Variants in LHFPL2 observed in about 807,000 individuals in gnomAD.
LHFPL2 encodes LHFPL tetraspan subfamily member 2 protein.
In LHFPL2, 7 loss-of-function variants were observed where a neutral mutation model predicts 17.5. The observed-to-expected ratio is 0.40, with a 90% CI of 0.23 to 0.75. The LOEUF (loss-of-function observed/expected upper bound fraction) is 0.75. Among genes scored for constraint, LHFPL2 ranks in the 30% least tolerant of loss-of-function variants. LHFPL2 has a pLI of 0.37. For missense variants in LHFPL2, 241 were observed against 294.8 expected, an observed-to-expected ratio of 0.82 and a Z score of 1.34; for synonymous variants, 134 against 116.2, an observed-to-expected ratio of 1.15 and a Z score of -0.99.
intron 4 of LHFPL2, among the ~76,000 whole-genome samples, chr5:78,492,138 G>A (rs1311353861): frequency 9.9e-5 from 15 of 152,066 alleles, no homozygotes; most frequent in Non-Finnish European, 2.2e-4. Context: ...ACCCTCCATG[G>A]GCCTTCTGTA....
intron 2 of LHFPL2, among the ~76,000 whole-genome samples, chr5:78,613,485 G>A (rs1474670021): frequency 6.6e-6 from 1 of 152,138 alleles, no homozygotes; most frequent in East Asian, 1.9e-4. Context: ...CTTATACTGA[G>A]CTTCTATTGC....
Position 78,583,680 on chromosome 5 carries a change from G to A in LHFPL2, c.-244-18809C>T, listed in dbSNP as rs1348966061. On this transcript the variant is annotated intron_variant, in intron 2 of 4. Transcript: ENST00000380345. Reference sequence around the variant, plus strand: ...GTTAGTCTGATGGGCTTCCCTTTGAGGGTAACCCAACCTTTCTCTCTGGCT... The same window carrying A: ...GTTAGTCTGATGGGCTTCCCTTTGAAGGTAACCCAACCTTTCTCTCTGGCT... Among the ~76,000 whole-genome samples the A allele has an allele frequency of 6.6e-5, 10 of 152,080 alleles. 1 individual carries two copies. Among genetic ancestry groups the A allele is most frequent in the Admixed American group, 5.2e-4 (8 of 15,268 alleles).
chr5:78,617,062 C>T (rs1432879567), intron 2 of LHFPL2, among the ~76,000 whole-genome samples: 2 of 150,720 alleles, frequency 1.3e-5, no homozygotes, highest in Non-Finnish European at 3.0e-5. Context: ...GAGTTTTACT[C>T]TTGTTGCCCA....
At chr5:78,498,441 A>G (rs1182150282) in intron 4 of LHFPL2, among the ~76,000 whole-genome samples, 1 of 152,198 alleles carries the variant, frequency 6.6e-6, no homozygotes, top group Non-Finnish European at 1.5e-5. Flanking sequence ...GTCATCTTCC[A>G]TGCTGATAGT....
chr5:78,637,145 C>T (rs918239015), intron 1 of LHFPL2, among the ~76,000 whole-genome samples: 5 of 152,044 alleles, frequency 3.3e-5, no homozygotes, highest in Non-Finnish European at 7.4e-5. Context: ...AAGCCAAAAC[C>T]CCGGGTAGGG....
chr5:78,519,717 C>T (rs1469824494), intron 3 of LHFPL2, among the ~76,000 whole-genome samples: 2 of 152,232 alleles, frequency 1.3e-5, no homozygotes, highest in East Asian at 1.9e-4. Flanking sequence ...ATGGCCAGCA[C>T]TCCATCCATG....
chr5:78,634,708 T>C (rs1283119083), intron 1 of LHFPL2, among the ~76,000 whole-genome samples: 1 of 152,148 alleles, frequency 6.6e-6, no homozygotes, highest in Non-Finnish European at 1.5e-5. Flanking sequence ...CCCTCACCCT[T>C]TCCAATCCAA....
intron 3 of LHFPL2, among the ~76,000 whole-genome samples, chr5:78,546,869 T>C (rs1580795885): frequency 6.6e-6 from 1 of 152,126 alleles, no homozygotes; most frequent in Non-Finnish European, 1.5e-5. Flanking sequence ...GCTAAAGAGG[T>C]TTCTCTCTGT....
At chr5:78,591,849 C>T (rs1032263549) in intron 2 of LHFPL2, among the ~76,000 whole-genome samples, 3 of 152,204 alleles carry the variant, frequency 2.0e-5, no homozygotes, top group South Asian at 2.1e-4. Flanking sequence ...ATGTAGAACA[C>T]GGATAGGAGA....
intron 3 of LHFPL2, among the ~76,000 whole-genome samples, chr5:78,521,534 TA>T (rs943809652): frequency 2.6e-5 from 4 of 152,234 alleles, no homozygotes; most frequent in Non-Finnish European, 5.9e-5. Flanking sequence ...TAAATTTTTT[TA>T]AAAAAATTTT....
In LHFPL2 at chr5:78,531,641, A is replaced by T. The variant is rs77615699; in HGVS notation, c.-185-21243T>A. Among the ~76,000 whole-genome samples, 211 of 152,058 alleles carry T rather than the reference A, an allele frequency of 1.4e-3. 3 individuals carry two copies. In the East Asian group the frequency reaches 0.038, roughly 27 times the overall value. ...CACCTCAGTCCTGGCCCTGAATAAA[A>T]CCCTACTTGATGGGGTAGCAATGGG... is the stretch of plus-strand genomic sequence containing the variant. On this transcript the variant is annotated intron_variant, in intron 3 of 4. Transcript: ENST00000380345.
At chr5:78,514,243 A>G (rs1345713526) in intron 3 of LHFPL2, among the ~76,000 whole-genome samples, 1 of 152,148 alleles carries the variant, frequency 6.6e-6, no homozygotes, top group Non-Finnish European at 1.5e-5. Flanking sequence ...TTTCCCCTCG[A>G]CAACACCTGA....
intron 3 of LHFPL2, among the ~76,000 whole-genome samples, chr5:78,539,531 T>G (rs7730720): frequency 0.48 from 73,266 of 151,904 alleles, 18,446 homozygotes; most frequent in African/African-American, 0.62. Context: ...GTTAAGGTGG[T>G]TACTGCTATT....
intron 2 of LHFPL2, among the ~76,000 whole-genome samples, chr5:78,619,614 T>A (rs1304148851): frequency 2.5e-4 from 35 of 140,490 alleles, no homozygotes; most frequent in African/African-American, 8.9e-4. Flanking sequence ...ACTCGTCATT[T>A]AGCATTAGGT....
Position 78,489,013 on chromosome 5 carries a change from C to A in LHFPL2, c.571G>T (p.Gly191Cys), listed in dbSNP as rs770611698. The change falls in exon 5 of 5, where the codon GGC (glycine) becomes TGC (cysteine). Residue 191 changes from glycine (G) to cysteine (C), a missense_variant. By Grantham distance (159) the Gly-to-Cys change is radical. Transcript: ENST00000380345. Reference sequence around the variant, plus strand: ...GCACAGATGAAAGTGAGGACTGTGCCCCCAATGGCGGTATAAAAGGCCCAG... The same window carrying A: ...GCACAGATGAAAGTGAGGACTGTGCACCCAATGGCGGTATAAAAGGCCCAG... ...LGWAFYTAIG[G>C]TVLTFICAVF... is the part of the protein sequence containing the mutation. 3.1e-6 allele frequency: 5 copies of A among 1,614,182 alleles called. No individual in the cohort carries two copies. In the South Asian group the frequency reaches 4.4e-5, roughly 14 times the overall value.
chr5:78,608,675 G>T (rs575339508), intron 2 of LHFPL2, among the ~76,000 whole-genome samples: 1 of 152,192 alleles, frequency 6.6e-6, no homozygotes, highest in South Asian at 2.1e-4. Context: ...GCTCACGCCT[G>T]TAATCCCAGC....
intron 3 of LHFPL2, among the ~76,000 whole-genome samples, chr5:78,542,416 G>A (rs950110793): frequency 1.9e-4 from 29 of 152,148 alleles, no homozygotes; most frequent in African/African-American, 7.0e-4. Flanking sequence ...ATGGCTTCCT[G>A]GGACTTCCAG....
chr5:78,648,215 G>A lies in LHFPL2; in HGVS notation c.-350+284C>T, dbSNP rs1436973360. Among the ~76,000 whole-genome samples, 1 of 152,134 alleles carries A rather than the reference G, an allele frequency of 6.6e-6. No individual in the cohort carries two copies. Among genetic ancestry groups the A allele is most frequent in the Non-Finnish European group, 1.5e-5 (1 of 68,016 alleles). Reference sequence around the variant, plus strand: ...CGCGCCGGCTTCCCGAGGAGACGCTGTTCCCGGCACAACTTTTTTCCACTT... The same window carrying A: ...CGCGCCGGCTTCCCGAGGAGACGCTATTCCCGGCACAACTTTTTTCCACTT... On this transcript the variant is annotated intron_variant, in intron 1 of 4. Coordinates refer to ENST00000380345, the MANE Select transcript of LHFPL2 (RefSeq NM_005779.3). This position sits in a 1 kb window ranked among gnomAD's most constrained non-coding sequence, Gnocchi z 5.4.
At chr5:78,513,049 C>T (rs1041287898) in intron 3 of LHFPL2, among the ~76,000 whole-genome samples, 1 of 152,192 alleles carries the variant, frequency 6.6e-6, no homozygotes, top group East Asian at 1.9e-4. Flanking sequence ...GCAACCACCC[C>T]TGCCTGAATG....
Sources: allele counts gnomAD v4.1 joint callset (sites outside exome capture counted in the v4.1 genomes callset), GRCh38; gene constraint gnomAD v4.1.1; non-coding constraint Gnocchi (gnomAD v3.1); transcripts MANE v1.5; gene names NCBI Gene and HGNC (gene_info 2026-07-23, HGNC 2026-07-21).